LCT: variants seen among roughly 807,000 people sequenced by gnomAD.
LCT encodes the protein lactase/phlorizin hydrolase.
A neutral mutation model predicts 173.0 loss-of-function variants in LCT; 90 were observed. The ratio of observed to expected loss-of-function variants is 0.52; its 90% confidence interval spans 0.44 to 0.62. The LOEUF (loss-of-function observed/expected upper bound fraction) is 0.62. LCT is among the 20% of genes least tolerant of loss of function. LCT has a pLI of 0.00. For synonymous variants in LCT, 853 were observed against 957.6 expected (o/e 0.89, Z 2.02); for missense variants, 1,864 against 2,431.4 (o/e 0.77, Z 4.91).
chr2:135,795,743 C>T (rs1288428507), intron 13 of LCT, among the ~76,000 whole-genome samples: 1 of 151,636 alleles, frequency 6.6e-6, no homozygotes, highest in Non-Finnish European at 1.5e-5. Context: ...TTTCTTTCTT[C>T]CTTTTTTTTT....
Position 135,809,043 on chromosome 2 carries a change from C to T in LCT, c.3304G>A (p.Ala1102Thr). 6.2e-7 allele frequency: 1 copy of T among 1,612,888 alleles called. No homozygotes were observed. The change falls in exon 8 of 17, where the codon GCC becomes ACC. Residue 1102 changes from alanine (A) to threonine (T), a missense_variant. Physicochemically the swap from Ala to Thr is moderately conservative, Grantham distance 58 (BLOSUM62 0). Transcript: ENST00000264162. The surrounding 1 kb of genome is among the most constrained non-coding windows in gnomAD (Gnocchi z 5.5). The stretch of plus-strand genomic sequence containing the variant: ...TCATCGTACGTGTGATAGACTCTGG[C>T]ATGGGCTTTGATGACGGCGTGGGCT... Reference protein sequence around the residue: ...RIAHAVIKAHARVYHTYDEKY... With the variant: ...RIAHAVIKAHTRVYHTYDEKY...
intron 15 of LCT, 71 bp from the exon 16 acceptor site, chr2:135,789,869 G>A (rs2077520493): frequency 3.3e-6 from 4 of 1,213,498 alleles, no homozygotes; most frequent in African/African-American, 1.5e-5. Flanking sequence ...GCCTTCGGAA[G>A]CCAGGTCTGC....
At chr2:135,810,140 G>C (rs895636916) in intron 7 of LCT, 147 bp from the exon 8 acceptor site, 3 of 636,088 alleles carry the variant, frequency 4.7e-6, no homozygotes, top group Non-Finnish European at 8.4e-6. Context: ...GAGTGAGCTA[G>C]TGCACCATTA....
chr2:135,831,682 A>G (rs1397052736), intron 2 of LCT, among the ~76,000 whole-genome samples: 1 of 152,230 alleles, frequency 6.6e-6, no homozygotes, highest in East Asian at 1.9e-4. Context: ...TTGTCCCTCC[A>G]GAACCTTATC....
In LCT at chr2:135,812,660, C is replaced by T. The variant is rs773144795; in HGVS notation, c.2004G>A (p.Glu668=). 5.0e-6 allele frequency: 8 copies of T among 1,612,682 alleles called. No homozygotes were observed. The highest frequency in any genetic ancestry group is 1.7e-5 in the Admixed American group (1 of 60,012). ...HPVAQLPEFT[E]AEKQLLKGSA... is the part of the protein sequence containing the mutation. ...AGCCTTTCAGGAGCTGCTTCTCTGC[C>T]TCTGTGAACTCGGGGAGTTGAGCCA... is the stretch of plus-strand genomic sequence containing the variant. Residue 668 remains glutamate, a synonymous_variant, in exon 7 of 17, where the codon GAG becomes GAA. Transcript: ENST00000264162.
intron 8 of LCT, among the ~76,000 whole-genome samples, chr2:135,808,196 T>C (rs2077693345): frequency 6.6e-6 from 1 of 152,102 alleles, no homozygotes; most frequent in African/African-American, 2.4e-5. Flanking sequence ...CCCATGACAA[T>C]ATGAATATTC....
At chr2:135,818,973 A>G (rs554854742) in intron 5 of LCT, among the ~76,000 whole-genome samples, 1 of 152,292 alleles carries the variant, frequency 6.6e-6, no homozygotes, top group African/African-American at 2.4e-5. Flanking sequence ...TGCTGCTTGG[A>G]TTTCTGACAT....
At chr2:135,821,839 C>T in intron 5 of LCT, 181 bp downstream of exon 5, 3 of 601,818 alleles carry the variant, frequency 5.0e-6, no homozygotes, top group Non-Finnish European at 5.9e-6. Flanking sequence ...TCGTGAGTCC[C>T]ACTCAGTAAG....
intron 5 of LCT, among the ~76,000 whole-genome samples, chr2:135,821,025 C>T (rs938673375): frequency 1.4e-4 from 21 of 152,112 alleles, no homozygotes; most frequent in East Asian, 3.9e-4. Context: ...GGAATACAGG[C>T]GCCCGCCACC....
rs533415657 is a variant in LCT, at chr2:135,788,197, A to G, written c.*127T>C. The G allele has an allele frequency of 6.6e-4, 492 of 745,260 alleles. 2 individuals carry two copies. In the African/African-American group the frequency reaches 8.0e-3, roughly 12 times the overall value. The allele number at this position is 745,260 out of a possible 1,614,324, so 46.2% of individuals were successfully genotyped here. A position where few individuals can be genotyped will look rare whatever the true frequency, so the allele number is the denominator to read the frequency against. On this transcript the variant is annotated 3_prime_UTR_variant, in exon 17 of 17. Coordinates refer to ENST00000264162, the MANE Select transcript of LCT (RefSeq NM_002299.4). The stretch of plus-strand genomic sequence containing the variant: ...ATCATTCAAGATTAAAGTCATCTCT[A>G]ACGGTGCAGCAGGACTTTATGGAGA...
At chr2:135,823,766 G>C in intron 4 of LCT, 135 bp downstream of exon 4, 1 of 718,220 alleles carries the variant, frequency 1.4e-6, no homozygotes, top group Non-Finnish European at 2.6e-6. Flanking sequence ...CACTAACCCA[G>C]TCTGGGGTGG....
chr2:135,796,086 C>T (rs2077579687), intron 13 of LCT, among the ~76,000 whole-genome samples: 1 of 152,186 alleles, frequency 6.6e-6, no homozygotes, highest in African/African-American at 2.4e-5. Context: ...GAGCATTTTC[C>T]AGGCACTCTG....
intron 1 of LCT, among the ~76,000 whole-genome samples, chr2:135,835,497 T>C (rs1312022430): frequency 1.6e-5 from 1 of 62,776 alleles, no homozygotes; most frequent in Non-Finnish European, 2.6e-5. Context: ...TATATATATA[T>C]ATATATATAT....
At chr2:135,834,613 C>T (rs1196626454) in intron 1 of LCT, among the ~76,000 whole-genome samples, 1 of 149,994 alleles carries the variant, frequency 6.7e-6, no homozygotes, top group Non-Finnish European at 1.5e-5. Flanking sequence ...CACGGTGAAA[C>T]CCCATCTCTA....
In LCT at chr2:135,788,382, G is replaced by C. The variant is rs2077508741; in HGVS notation, c.5726C>G (p.Ser1909Cys). 4.3e-6 allele frequency: 7 copies of C among 1,614,152 alleles called. No homozygotes were observed. Among genetic ancestry groups the C allele is most frequent in the East Asian group, 4.5e-5 (2 of 44,886 alleles). Residue 1909 changes from serine to cysteine, a missense_variant, in exon 17 of 17, where the codon TCT becomes TGT. Around this residue, in one of 4 missense-constraint regions of LCT, gnomAD observed 514 missense variants for 750.1 expected, o/e 0.69. Coordinates refer to ENST00000264162, the MANE Select transcript of LCT (RefSeq NM_002299.4). Reference protein sequence around the residue: ...AFLSYKYCKRSKQGKTQRSQQ... With the variant: ...AFLSYKYCKRCKQGKTQRSQQ... ...GCTTCGTTGTGTTTTCCCTTGCTTA[G>C]AGCGCTTGCAGTACTTGTATGACAG... is the stretch of plus-strand genomic sequence containing the variant.
intron 16 of LCT, 90 bp from the exon 17 acceptor site, chr2:135,788,634 C>T: frequency 1.2e-6 from 1 of 848,108 alleles, no homozygotes; most frequent in South Asian, 1.3e-5. Context: ...GCACGGTACC[C>T]CAAATCCGCA....
At chr2:135,808,317 T>C (rs2077694314) in intron 8 of LCT, 126 bp downstream of exon 8, 3 of 851,864 alleles carry the variant, frequency 3.5e-6, no homozygotes, top group Non-Finnish European at 6.2e-6. Context: ...AGATAAAGAA[T>C]TATGGAGTTG....
At chr2:135,835,801 T>C (rs1679326815) in intron 1 of LCT, among the ~76,000 whole-genome samples, 1 of 149,536 alleles carries the variant, frequency 6.7e-6, no homozygotes. Flanking sequence ...CAAGCTGCAA[T>C]GTAAGCTCCA....
In LCT at chr2:135,817,781, G is replaced by T. The variant is rs1284292222; in HGVS notation, c.1267C>A (p.Gln423Lys). 1 of 1,613,868 alleles carries T rather than the reference G, an allele frequency of 6.2e-7. No homozygotes were observed. Among genetic ancestry groups the T allele is most frequent in the Non-Finnish European group, 8.5e-7 (1 of 1,180,036 alleles). Residue 423 changes from glutamine (Q) to lysine (K), a missense_variant, in exon 6 of 17, where the codon CAA becomes AAA. Transcript: ENST00000264162. Reference protein sequence around the residue: ...PRRPLNTTEGQATLEVASDSY... With the variant: ...PRRPLNTTEGKATLEVASDSY... ...TCGCTGGCCACCTCCAGCGTCGCTT[G>T]GCCCTCAGTGGTGTTCAGGGGCCTG...
Sources: gnomAD v4.1 joint callset for allele counts (sites outside exome capture counted in the v4.1 genomes callset) on GRCh38, gnomAD v4.1.1 for gene constraint, gnomAD v4.1.1 regional missense constraint, Gnocchi (gnomAD v3.1) non-coding constraint, MANE v1.5 for transcripts, NCBI Gene and HGNC (gene_info 2026-07-23, HGNC 2026-07-21) for gene names.